Variants in GUCY1A1 observed in about 807,000 individuals in gnomAD.
GUCY1A1 encodes the protein guanylate cyclase soluble subunit alpha-1.
Under a neutral mutation model 64.5 loss-of-function variants are expected in GUCY1A1, and 48 were observed. The observed-to-expected ratio is 0.74, with a 90% CI of 0.59 to 0.95. The LOEUF (loss-of-function observed/expected upper bound fraction) is 0.95, where lower values mean the gene tolerates loss of function less well. Ranked by LOEUF, GUCY1A1 falls within the 40% of genes least tolerant of loss-of-function variation. GUCY1A1 has a pLI of 0.00. For missense variants in GUCY1A1, 804 were observed against 825.3 expected, an observed-to-expected ratio of 0.97 and a Z score of 0.32; for synonymous variants, 308 against 303.4, an observed-to-expected ratio of 1.02 and a Z score of -0.16.
rs946602358 is a variant in GUCY1A1 at position 155,733,251 on chromosome 4, G to A, written c.*3020G>A. ...GACATAATTACAACATTCTGTGGGA[G>A]CACAAAGTAGGGGACTCAGTTCTTA... On this transcript the variant is annotated 3_prime_UTR_variant, in exon 10 of 10. Coordinates refer to ENST00000506455, the MANE Select transcript of GUCY1A1 (RefSeq NM_001130682.3). Among the ~76,000 whole-genome samples, 2 of 151,752 alleles carry A rather than the reference G, an allele frequency of 1.3e-5. No homozygotes were observed. The highest frequency in any genetic ancestry group is 2.9e-5 in the Non-Finnish European group (2 of 67,874).
chr4:155,718,120 A>G (rs1733500417), intron 8 of GUCY1A1, among the ~76,000 whole-genome samples: 1 of 152,194 alleles, frequency 6.6e-6, no homozygotes, highest in Admixed American at 6.5e-5. Flanking sequence ...TTTAACAGAT[A>G]GAATATAAGC....
intron 4 of GUCY1A1, among the ~76,000 whole-genome samples, chr4:155,705,306 T>C (rs1408637114): frequency 6.6e-6 from 1 of 152,100 alleles, no homozygotes; most frequent in East Asian, 1.9e-4. Flanking sequence ...CCCAGCCCTT[T>C]GGGAGGTCAA....
intron 2 of GUCY1A1, among the ~76,000 whole-genome samples, chr4:155,677,808 TG>T (rs1735164867): frequency 6.6e-6 from 1 of 152,044 alleles, no homozygotes; most frequent in Admixed American, 6.6e-5. Flanking sequence ...GCCAAGTTCG[TG>T]CCACTGTACT....
At chr4:155,706,114 A>G (rs1312838939) in intron 4 of GUCY1A1, among the ~76,000 whole-genome samples, 1 of 152,026 alleles carries the variant, frequency 6.6e-6, no homozygotes, top group South Asian at 2.1e-4. Context: ...TAATCTCAAA[A>G]CTTAAGCCAA....
chr4:155,722,172 T>C lies in GUCY1A1; in HGVS notation c.1851T>C (p.Asn617=), dbSNP rs747244361. The change falls in exon 9 of 10, where the codon AAT becomes AAC. Residue 617 remains asparagine (N), a synonymous_variant. Transcript: ENST00000506455. ...FESCSVPRKI[N]VSPTTYRLLK... is the part of the protein sequence containing the mutation. ...CCTGCAGTGTACCACGAAAAATCAATGTCAGCCCAACAACTTACAGGTAGT... is the reference window on the plus strand; with the variant it reads ...CCTGCAGTGTACCACGAAAAATCAACGTCAGCCCAACAACTTACAGGTAGT... 3.1e-6 allele frequency: 5 copies of C among 1,612,868 alleles called. No homozygotes were observed. The highest frequency in any genetic ancestry group is 4.2e-6 in the Non-Finnish European group (5 of 1,179,170).
chr4:155,709,822 G>A (rs1269682777), intron 5 of GUCY1A1, among the ~76,000 whole-genome samples: 2 of 151,980 alleles, frequency 1.3e-5, no homozygotes, highest in East Asian at 1.9e-4. Context: ...GACAGAGCGA[G>A]ACTCTGTCTC....
Position 155,730,259 on chromosome 4 carries a change from T to A in GUCY1A1, c.*28T>A. The A allele has an allele frequency of 6.9e-7, 1 of 1,456,254 alleles. No homozygotes were observed. The highest frequency in any genetic ancestry group is 9.6e-7 in the Non-Finnish European group (1 of 1,038,180). The allele number at this position is 1,456,254 out of a possible 1,614,324, so 90.2% of individuals were successfully genotyped here. A position where few individuals can be genotyped will look rare whatever the true frequency, so the allele number is the denominator to read the frequency against. On this transcript the variant is annotated 3_prime_UTR_variant, in exon 10 of 10. Transcript: ENST00000506455. ...ACCTATATACCTATTTATAAGTCTT[T>A]GGGGTTTGACTCATTGAAGATGTGT...
intron 4 of GUCY1A1, among the ~76,000 whole-genome samples, chr4:155,707,733 A>T (rs1731972365): frequency 6.6e-6 from 1 of 152,094 alleles, no homozygotes; most frequent in African/African-American, 2.4e-5. Context: ...GTTTTCCAAC[A>T]TTGTTCTGGA....
chr4:155,718,377 C>A (rs1733534358), intron 8 of GUCY1A1, among the ~76,000 whole-genome samples: 1 of 152,066 alleles, frequency 6.6e-6, no homozygotes. Flanking sequence ...TATTGTCATC[C>A]CATTTATATG....
intron 4 of GUCY1A1, 39 bp downstream of exon 4, chr4:155,704,032 CA>C: frequency 8.4e-7 from 1 of 1,197,292 alleles, no homozygotes; most frequent in South Asian, 1.3e-5. Context: ...CCTCTTATTA[CA>C]ATGACTAATA....
intron 7 of GUCY1A1, among the ~76,000 whole-genome samples, chr4:155,716,235 T>C (rs536608925): frequency 8.5e-5 from 13 of 152,314 alleles, no homozygotes; most frequent in Middle Eastern, 3.4e-3. Flanking sequence ...CAGCATCTAC[T>C]CTGAGGGGAA....
At chr4:155,725,508 G>T (rs919171324) in intron 9 of GUCY1A1, among the ~76,000 whole-genome samples, 7 of 152,068 alleles carry the variant, frequency 4.6e-5, no homozygotes, top group Non-Finnish European at 4.4e-5. Context: ...TCAATGTTAA[G>T]TGATGTGTTA....
intron 2 of GUCY1A1, among the ~76,000 whole-genome samples, chr4:155,696,342 C>G (rs148916921): frequency 6.6e-6 from 1 of 152,002 alleles, no homozygotes; most frequent in East Asian, 1.9e-4. Context: ...ACTGTTCTGA[C>G]TTTTCAGAAA....
chr4:155,704,528 T>C (rs1731486407), intron 4 of GUCY1A1, among the ~76,000 whole-genome samples: 1 of 148,410 alleles, frequency 6.7e-6, no homozygotes, highest in Admixed American at 6.8e-5. Context: ...ATCAAGTGCT[T>C]AAGAGGAGGG....
At chr4:155,674,776 C>T (rs899740184) in intron 2 of GUCY1A1, among the ~76,000 whole-genome samples, 5 of 151,624 alleles carry the variant, frequency 3.3e-5, no homozygotes, top group African/African-American at 4.9e-5. Flanking sequence ...GGCTGTTTTA[C>T]GGTTAACTTA....
chr4:155,730,257 T>G lies in GUCY1A1; in HGVS notation c.*26T>G, dbSNP rs753181816. 1 of 1,458,834 alleles carries G rather than the reference T, an allele frequency of 6.9e-7. No individual in the cohort carries two copies. 90.4% of individuals were successfully genotyped at this position (1,458,834 alleles called of 1,614,324 possible). A position where few individuals can be genotyped will look rare whatever the true frequency, so the allele number is the denominator to read the frequency against. ...CAACCTATATACCTATTTATAAGTC[T>G]TTGGGGTTTGACTCATTGAAGATGT... On this transcript the variant is annotated 3_prime_UTR_variant, in exon 10 of 10. Coordinates refer to ENST00000506455, the MANE Select transcript of GUCY1A1 (RefSeq NM_001130682.3).
intron 8 of GUCY1A1, among the ~76,000 whole-genome samples, chr4:155,718,535 C>T (rs1030057293): frequency 2.0e-5 from 3 of 152,070 alleles, no homozygotes; most frequent in African/African-American, 4.8e-5. Flanking sequence ...GCTGGGAATA[C>T]CGAAATGGGT....
intron 2 of GUCY1A1, among the ~76,000 whole-genome samples, chr4:155,679,079 G>C (rs1420995702): frequency 6.6e-6 from 1 of 152,036 alleles, no homozygotes; most frequent in African/African-American, 2.4e-5. Flanking sequence ...TTTTCTTCTA[G>C]TATATGACTT....
At chr4:155,706,786 T>C (rs1731836383) in intron 4 of GUCY1A1, among the ~76,000 whole-genome samples, 1 of 152,258 alleles carries the variant, frequency 6.6e-6, no homozygotes, top group African/African-American at 2.4e-5. Flanking sequence ...ATGTGCTGTT[T>C]GGACAAACTA....
Sources: gnomAD v4.1 joint callset for allele counts (sites outside exome capture counted in the v4.1 genomes callset) on GRCh38, gnomAD v4.1.1 for gene constraint, MANE v1.5 for transcripts, NCBI Gene and HGNC (gene_info 2026-07-23, HGNC 2026-07-21) for gene names.